UHMK1: variants seen among roughly 807,000 people sequenced by gnomAD.
UHMK1 encodes serine/threonine-protein kinase Kist.
A neutral mutation model predicts 44.0 loss-of-function variants in UHMK1; 18 were observed. The ratio of observed to expected loss-of-function variants is 0.41; its 90% CI spans 0.28 to 0.61. The LOEUF is 0.61. Among genes scored for constraint, UHMK1 ranks in the 20% least tolerant of loss-of-function variants. The pLI, the probability that UHMK1 is intolerant of heterozygous loss-of-function variation, is 0.31. For synonymous variants in UHMK1, 231 were observed against 198.5 expected, an observed-to-expected ratio of 1.16 and a Z score of -1.38; for missense variants, 463 against 522.5, an observed-to-expected ratio of 0.89 and a Z score of 1.11.
rs796183660 is a variant in UHMK1, at chr1:162,523,338, T to C, written c.*788T>C. 5 of 152,618 alleles carry C rather than the reference T, an allele frequency of 3.3e-5. No homozygotes were observed. The highest frequency in any genetic ancestry group is 4.4e-5 in the Non-Finnish European group (3 of 68,028). 9.5% of individuals were successfully genotyped at this position (152,618 alleles called of 1,614,324 possible). On this transcript the variant is annotated 3_prime_UTR_variant, in exon 8 of 8. Coordinates refer to ENST00000489294, the MANE Select transcript of UHMK1 (RefSeq NM_175866.5). Reference sequence around the variant, plus strand: ...TTTCACATCCGTAAGATTTAAGATATACATTTTTTGAGAGGTAGTCTGTCT... The same window carrying C: ...TTTCACATCCGTAAGATTTAAGATACACATTTTTTGAGAGGTAGTCTGTCT...
At chr1:162,511,213 C>G (rs1434367353) in intron 4 of UHMK1, among the ~76,000 whole-genome samples, 1 of 111,744 alleles carries the variant, frequency 8.9e-6, no homozygotes, top group Non-Finnish European at 1.7e-5. Context: ...TTTTTTGAGA[C>G]AGGGTCTCGT....
intron 2 of UHMK1, chr1:162,500,498 C>T: frequency 2.1e-6 from 1 of 468,034 alleles, no homozygotes; most frequent in African/African-American, 1.9e-5. Flanking sequence ...ACTTAACCTA[C>T]ATAGAATGGT....
At position 162,512,855 on chromosome 1, in the gene UHMK1, T is replaced by A. The variant is rs772688405; in HGVS notation, c.1024+32T>A. The A allele has an allele frequency of 8.2e-6, 13 of 1,580,946 alleles. 1 individual carries two copies. The South Asian group carries it at 1.4e-4, about 18-fold the overall frequency. ...GTTTTCTAAATTATATTTTAATGTG[T>A]CTTTCTTAAATAAGTCTAGAATAAA... is the stretch of plus-strand genomic sequence containing the variant. On this transcript the variant is annotated intron_variant, in intron 6 of 7. Coordinates refer to ENST00000489294, the MANE Select transcript of UHMK1 (RefSeq NM_175866.5).
intron 4 of UHMK1, among the ~76,000 whole-genome samples, chr1:162,508,860 G>T (rs189876004): frequency 4.9e-4 from 74 of 151,988 alleles, no homozygotes; most frequent in Non-Finnish European, 8.4e-4. Context: ...AGGCTAGAGT[G>T]CCATGGTGTG....
chr1:162,522,682 G>A lies in UHMK1; in HGVS notation c.*132G>A, dbSNP rs1652103675. Reference sequence around the variant, plus strand: ...ATTTATTTAATCCTACTAATGTGCAGCCATTGCCCAAGCAGTGACTGCGTT... The same window carrying A: ...ATTTATTTAATCCTACTAATGTGCAACCATTGCCCAAGCAGTGACTGCGTT... On this transcript the variant is annotated 3_prime_UTR_variant, in exon 8 of 8. Transcript: ENST00000489294. The A allele has an allele frequency of 9.5e-7, 1 of 1,053,268 alleles. No individual in the cohort carries two copies. The highest frequency in any genetic ancestry group is 1.3e-6 in the Non-Finnish European group (1 of 743,032). The allele number at this position is 1,053,268 out of a possible 1,614,324, so 65.2% of individuals were successfully genotyped here.
intron 4 of UHMK1, among the ~76,000 whole-genome samples, chr1:162,512,105 A>C (rs116326826): frequency 1.4e-5 from 2 of 147,766 alleles, no homozygotes; most frequent in Non-Finnish European, 3.0e-5. Flanking sequence ...GATATTGTCC[A>C]TGGGTTTTTG....
At chr1:162,502,600 A>C (rs139755575) in intron 3 of UHMK1, among the ~76,000 whole-genome samples, 393 of 152,332 alleles carry the variant, frequency 2.6e-3, no homozygotes, top group African/African-American at 8.8e-3. Context: ...GAACTAGATC[A>C]CATTCAAATT....
chr1:162,522,260 C>G (rs1652085107), intron 7 of UHMK1, 144 bp from the exon 8 acceptor site: 2 of 834,394 alleles, frequency 2.4e-6, no homozygotes, highest in African/African-American at 3.4e-5. Context: ...AGAACAGAAA[C>G]TCAGGCGACA....
intron 4 of UHMK1, among the ~76,000 whole-genome samples, chr1:162,511,092 G>T (rs1396894466): frequency 6.6e-6 from 1 of 151,598 alleles, no homozygotes; most frequent in Non-Finnish European, 1.5e-5. Context: ...GTGTTCTTTT[G>T]AGAAATGTTT....
chr1:162,497,972 T>C lies in UHMK1; in HGVS notation c.-29T>C. The C allele has an allele frequency of 6.8e-7, 1 of 1,474,452 alleles. No homozygotes were observed. Among genetic ancestry groups the C allele is most frequent in the Non-Finnish European group, 9.0e-7 (1 of 1,113,276 alleles). 91.3% of individuals were successfully genotyped at this position (1,474,452 alleles called of 1,614,324 possible). The stretch of plus-strand genomic sequence containing the variant: ...GGCCTGCCTCAGGCGTCGCGTCAGC[T>C]CCCGTGTCCGTGCCCTTAACCCACA... On this transcript the variant is annotated 5_prime_UTR_variant, in exon 1 of 8. Transcript: ENST00000489294.
chr1:162,511,912 T>C (rs904659978), intron 4 of UHMK1, among the ~76,000 whole-genome samples: 4 of 152,092 alleles, frequency 2.6e-5, no homozygotes, highest in East Asian at 1.9e-4. Flanking sequence ...TATTTTTTTT[T>C]CCCTGGGCTC....
intron 3 of UHMK1, among the ~76,000 whole-genome samples, chr1:162,502,117 G>C (rs181404479): frequency 6.6e-5 from 10 of 152,206 alleles, no homozygotes; most frequent in East Asian, 3.9e-4. Flanking sequence ...AAAGGATACT[G>C]ATATTATCAC....
chr1:162,510,247 C>A (rs1651620249), intron 4 of UHMK1, among the ~76,000 whole-genome samples: 1 of 152,122 alleles, frequency 6.6e-6, no homozygotes, highest in African/African-American at 2.4e-5. Context: ...CTATGTTTTT[C>A]AAGAATCCAA....
rs1041562074 is a variant in UHMK1 at position 162,512,509 on chromosome 1, T to C, written c.858T>C (p.His286=). The change falls in exon 5 of 8, where the codon CAT becomes CAC. Residue 286 remains histidine (H), a synonymous_variant. Coordinates refer to ENST00000489294, the MANE Select transcript of UHMK1 (RefSeq NM_175866.5). The part of the protein sequence containing the change: ...HLRDLIKSML[H]DDPSRRIPAE... ...TATTTTTGTGTTTTAGCATGCTTCATGATGATCCAAGCAGAAGAATTCCTG... is the reference window on the plus strand; with the variant it reads ...TATTTTTGTGTTTTAGCATGCTTCACGATGATCCAAGCAGAAGAATTCCTG... The C allele has an allele frequency of 6.8e-6, 11 of 1,610,558 alleles. No individual in the cohort carries two copies. Among genetic ancestry groups the C allele is most frequent in the Middle Eastern group, 3.3e-4 (2 of 6,062 alleles).
In UHMK1 at chr1:162,525,399, C is replaced by G. The variant is rs374103763; in HGVS notation, c.*2849C>G. The G allele has an allele frequency of 9.2e-5, 14 of 152,282 alleles. No homozygotes were observed. The East Asian group carries it at 2.1e-3, about 23-fold the overall frequency. The allele number at this position is 152,282 out of a possible 1,614,324, so 9.4% of individuals were successfully genotyped here. The stretch of plus-strand genomic sequence containing the variant: ...TAGTGTTTCATTCCCTAAATTAATA[C>G]CTGTGCTTCCTTGCCTCTCACCTTC... On this transcript the variant is annotated 3_prime_UTR_variant, in exon 8 of 8. Coordinates refer to ENST00000489294, the MANE Select transcript of UHMK1 (RefSeq NM_175866.5).
intron 4 of UHMK1, among the ~76,000 whole-genome samples, chr1:162,507,610 G>A (rs1271914211): frequency 2.4e-4 from 32 of 131,408 alleles, no homozygotes; most frequent in East Asian, 1.8e-3. Flanking sequence ...TTTGTGATAC[G>A]GAGTCTCACT....
Position 162,500,232 on chromosome 1 carries a change from C to G in UHMK1, c.546C>G (p.Phe182Leu). The G allele has an allele frequency of 8.1e-6, 13 of 1,610,018 alleles. No homozygotes were observed. Among genetic ancestry groups the G allele is most frequent in the Non-Finnish European group, 1.1e-5 (13 of 1,176,652 alleles). ...AACTCATTGACTTTGGACTTAGCTT[C>G]AAAGAAGGCAATCAGGTAAGAAATA... Reference protein sequence around the residue: ...CFKLIDFGLSFKEGNQDVKYI... With the variant: ...CFKLIDFGLSLKEGNQDVKYI... Residue 182 changes from phenylalanine (F) to leucine (L), a missense_variant, in exon 2 of 8, where the codon TTC becomes TTG. Phe to Leu is a conservative substitution (Grantham distance 22, BLOSUM62 0). Transcript: ENST00000489294.
Position 162,500,985 on chromosome 1 carries a change from G to A in UHMK1, c.634G>A (p.Gly212Ser), listed in dbSNP as rs1202578684. ...ATTGCAAAATTGCTTGGCCCAGGCT[G>A]GCCTGCAGAGTGATACAGAATGTAC... Reference protein sequence around the residue: ...AELQNCLAQAGLQSDTECTSA... With the variant: ...AELQNCLAQASLQSDTECTSA... Residue 212 changes from glycine (G) to serine (S), a missense_variant, in exon 3 of 8, where the codon GGC becomes AGC. This residue lies in a region of UHMK1 where 264 missense variants were observed against 326.3 expected (regional missense o/e 0.81). Transcript: ENST00000489294. The A allele has an allele frequency of 6.2e-7, 1 of 1,613,972 alleles. No individual in the cohort carries two copies. The highest frequency in any genetic ancestry group is 8.5e-7 in the Non-Finnish European group (1 of 1,180,022).
upstream of UHMK1, chr1:162,497,698 C>T: frequency 2.2e-6 from 2 of 929,428 alleles, no homozygotes; most frequent in Non-Finnish European, 2.8e-6. Flanking sequence ...ATTAAGGTTA[C>T]TTCTTATTCT....
Sources: gnomAD v4.1 joint callset for allele counts (sites outside exome capture counted in the v4.1 genomes callset) on GRCh38, gnomAD v4.1.1 for gene constraint, gnomAD v4.1.1 regional missense constraint, MANE v1.5 for transcripts, NCBI Gene and HGNC (gene_info 2026-07-23, HGNC 2026-07-21) for gene names.